ITGB5: variants seen among roughly 807,000 people sequenced by gnomAD.
ITGB5 encodes the protein integrin subunit beta 5, also known as integrin beta-5.
Under a neutral mutation model 84.8 loss-of-function variants are expected in ITGB5, and 38 were observed. That is an observed-to-expected ratio of 0.45 (90% CI 0.35 to 0.59). The LOEUF (loss-of-function observed/expected upper bound fraction) is 0.59. Among genes scored for constraint, ITGB5 ranks in the 20% least tolerant of loss-of-function variants. The pLI is 0.01. For missense variants in ITGB5, 905 were observed against 1,034.5 expected, an observed-to-expected ratio of 0.87 and a Z score of 1.72; for synonymous variants, 393 against 414.4, an observed-to-expected ratio of 0.95 and a Z score of 0.63.
intron 1 of ITGB5, among the ~76,000 whole-genome samples, chr3:124,896,719 C>T (rs1189409772): frequency 7.1e-6 from 1 of 141,232 alleles, no homozygotes; most frequent in African/African-American, 2.6e-5. Context: ...TGTACTCCAT[C>T]CTGGGACACA....
chr3:124,813,643 T>G (rs928951391), intron 8 of ITGB5, among the ~76,000 whole-genome samples: 1 of 152,196 alleles, frequency 6.6e-6, no homozygotes, highest in Non-Finnish European at 1.5e-5. Context: ...GATGAACAGC[T>G]AGATGAAGAG....
chr3:124,790,747 C>T (rs1186360144), intron 10 of ITGB5, among the ~76,000 whole-genome samples: 1 of 151,888 alleles, frequency 6.6e-6, no homozygotes, highest in Non-Finnish European at 1.5e-5. Context: ...CGGAGGATGC[C>T]CCTTGACTTC....
At chr3:124,822,845 T>C (rs1401900883) in intron 5 of ITGB5, among the ~76,000 whole-genome samples, 1 of 152,076 alleles carries the variant, frequency 6.6e-6, no homozygotes, top group South Asian at 2.1e-4. Context: ...CAATACACCA[T>C]GACAGGAGTG....
intron 9 of ITGB5, among the ~76,000 whole-genome samples, chr3:124,798,299 C>T (rs1411982866): frequency 6.6e-6 from 1 of 152,064 alleles, no homozygotes; most frequent in African/African-American, 2.4e-5. Context: ...GATCTGCCCA[C>T]TTCGGCCTCC....
rs557382003 is a variant in ITGB5, at chr3:124,806,683, C to T, written c.1263+2339G>A. 9.9e-5 allele frequency among the ~76,000 whole-genome samples: 15 copies of T among 152,048 alleles called. No individual in the cohort carries two copies. In the South Asian group the frequency reaches 1.0e-3, roughly 11 times the overall value. On this transcript the variant is annotated intron_variant, in intron 9 of 14. Transcript: ENST00000296181. ...CGATCTCCTAACTTCATGATCCACC[C>T]GCCTAGGCCTTCCAAAGTGCTGGGA...
rs1211580431 is a variant in ITGB5, at chr3:124,873,523, T to C, written c.79A>G (p.Ile27Val). The change falls in exon 2 of 15, where the codon ATA becomes GTA. Residue 27 changes from isoleucine (I) to valine (V), a missense_variant. Physicochemically the swap from Ile to Val is conservative, Grantham distance 29. Transcript: ENST00000296181. ...ALLPRLAGLNICTSGSATSCE... is the reference protein window; with the variant it reads ...ALLPRLAGLNVCTSGSATSCE... ...GAGGTGGCACTTCCACTAGTGCATATGTTGAGACCTTTAAAGCAAGATAAA... is the reference window on the plus strand; with the variant it reads ...GAGGTGGCACTTCCACTAGTGCATACGTTGAGACCTTTAAAGCAAGATAAA... 13 of 1,612,464 alleles carry C rather than the reference T, an allele frequency of 8.1e-6. No homozygotes were observed. The highest frequency in any genetic ancestry group is 6.7e-5 in the Admixed American group (4 of 60,010).
intron 1 of ITGB5, among the ~76,000 whole-genome samples, chr3:124,893,309 G>A (rs1347065994): frequency 6.6e-6 from 1 of 152,168 alleles, no homozygotes; most frequent in African/African-American, 2.4e-5. Flanking sequence ...TCAGGAGGCT[G>A]AGGTATGATA....
chr3:124,779,076 AT>A (rs1304887946), intron 10 of ITGB5, among the ~76,000 whole-genome samples: 1 of 152,092 alleles, frequency 6.6e-6, no homozygotes, highest in African/African-American at 2.4e-5. Context: ...CTTCCAAGTG[AT>A]CTCTGACACA....
chr3:124,853,566 T>C (rs2065185042), intron 3 of ITGB5, among the ~76,000 whole-genome samples: 1 of 152,186 alleles, frequency 6.6e-6, no homozygotes, highest in South Asian at 2.1e-4. Context: ...AAAGACTTTC[T>C]TCGTCTATTT....
chr3:124,864,250 G>A (rs1280873994), intron 2 of ITGB5, among the ~76,000 whole-genome samples: 2 of 151,580 alleles, frequency 1.3e-5, no homozygotes, highest in Non-Finnish European at 2.9e-5. Flanking sequence ...GGGACTACAG[G>A]TGCCCGCCAC....
At chr3:124,811,403 A>G (rs1007526279) in intron 8 of ITGB5, among the ~76,000 whole-genome samples, 12 of 152,238 alleles carry the variant, frequency 7.9e-5, no homozygotes, top group African/African-American at 1.2e-4. Context: ...ATAACCGTGA[A>G]TAAGTAGTGG....
chr3:124,817,622 T>C lies in ITGB5; in HGVS notation c.1127A>G (p.Asn376Ser), dbSNP rs781553512. 2.0e-6 allele frequency: 3 copies of C among 1,487,332 alleles called. No individual in the cohort carries two copies. Among genetic ancestry groups the C allele is most frequent in the South Asian group, 2.4e-5 (2 of 83,782 alleles). The allele number at this position is 1,487,332 out of a possible 1,614,324, so 92.1% of individuals were successfully genotyped here. Reference protein sequence around the residue: ...NIIQLIINAYNSIRSKVELSV... With the variant: ...NIIQLIINAYSSIRSKVELSV... ...TGGGGGAAGAAACTGATGACTTACATTGTATGCATTAATAATCAGTTGAAT... is the reference window on the plus strand; with the variant it reads ...TGGGGGAAGAAACTGATGACTTACACTGTATGCATTAATAATCAGTTGAAT... Residue 376 changes from asparagine (N) to serine (S), a missense_variant and splice_region_variant, in exon 8 of 15, where the codon AAT becomes AGT. By Grantham distance (46) the Asn-to-Ser change is conservative (BLOSUM62 1). Around this residue, in one of 3 missense-constraint regions of ITGB5, gnomAD observed 656 missense variants for 734.7 expected, o/e 0.89. Coordinates refer to ENST00000296181, the MANE Select transcript of ITGB5 (RefSeq NM_002213.5).
chr3:124,861,119 G>A (rs2065290407), intron 2 of ITGB5, among the ~76,000 whole-genome samples: 1 of 152,008 alleles, frequency 6.6e-6, no homozygotes, highest in South Asian at 2.1e-4. Flanking sequence ...AGACGCTGCA[G>A]TGTTTTTAAA....
intron 10 of ITGB5, among the ~76,000 whole-genome samples, chr3:124,778,350 T>C (rs1167809930): frequency 6.6e-6 from 1 of 152,212 alleles, no homozygotes; most frequent in Non-Finnish European, 1.5e-5. Context: ...CAAAAGTGCT[T>C]GTGTGGGCTA....
chr3:124,820,120 G>C (rs2064677843), intron 6 of ITGB5, among the ~76,000 whole-genome samples: 1 of 152,116 alleles, frequency 6.6e-6, no homozygotes, highest in Non-Finnish European at 1.5e-5. Flanking sequence ...TATCTTGTCT[G>C]TGTCTCCATC....
At position 124,775,297 on chromosome 3, in the gene ITGB5, T is replaced by C. The variant is rs865963368; in HGVS notation, c.1694-1385A>G. Reference sequence around the variant, plus strand: ...GTATGTTTGTGAGTGGGTGCAAGTGTGCATGAGTGTGTACAAGTGTGAGTG... The same window carrying C: ...GTATGTTTGTGAGTGGGTGCAAGTGCGCATGAGTGTGTACAAGTGTGAGTG... On this transcript the variant is annotated intron_variant, in intron 10 of 14. Transcript: ENST00000296181. Among the ~76,000 whole-genome samples the C allele has an allele frequency of 1.3e-3, 188 of 147,004 alleles. 1 individual carries two copies. Among genetic ancestry groups the C allele is most frequent in the African/African-American group, 4.3e-3 (174 of 40,504 alleles).
At chr3:124,839,685 A>G (rs2064986185) in intron 5 of ITGB5, among the ~76,000 whole-genome samples, 1 of 152,244 alleles carries the variant, frequency 6.6e-6, no homozygotes, top group Non-Finnish European at 1.5e-5. Flanking sequence ...CCTATAGTCA[A>G]TATCTGAAAG....
intron 2 of ITGB5, among the ~76,000 whole-genome samples, chr3:124,867,121 C>T (rs2065403038): frequency 6.6e-6 from 1 of 152,160 alleles, no homozygotes; most frequent in South Asian, 2.1e-4. Flanking sequence ...TCTCCACATC[C>T]ACTTCCCCAG....
At chr3:124,814,888 A>C (rs772745808) in intron 8 of ITGB5, among the ~76,000 whole-genome samples, 4 of 152,164 alleles carry the variant, frequency 2.6e-5, no homozygotes, top group Non-Finnish European at 5.9e-5. Context: ...TCCTCTGGGA[A>C]TTCGTGCCAG....
Sources: gnomAD v4.1 joint callset for allele counts (sites outside exome capture counted in the v4.1 genomes callset) on GRCh38, gnomAD v4.1.1 for gene constraint, gnomAD v4.1.1 regional missense constraint, MANE v1.5 for transcripts, NCBI Gene and HGNC (gene_info 2026-07-23, HGNC 2026-07-21) for gene names.